Variants in EXD1 observed in about 807,000 individuals in gnomAD.
EXD1 encodes exonuclease 3'-5' domain containing 1.
Under a neutral mutation model 49.1 loss-of-function variants are expected in EXD1, and 63 were observed. That is an observed-to-expected ratio of 1.28 (90% CI 1.05 to 1.58). EXD1 has a LOEUF of 1.58. Among genes scored for constraint, EXD1 ranks in the 40% most tolerant of loss-of-function variants. The pLI is 0.00. For missense variants in EXD1, 748 were observed against 666.0 expected (o/e 1.12, Z -1.36); for synonymous variants, 234 against 239.2 (o/e 0.98, Z 0.20).
At chr15:41,215,469 G>A (rs1228139865) in intron 6 of EXD1, among the ~76,000 whole-genome samples, 1 of 152,038 alleles carries the variant, frequency 6.6e-6, no homozygotes, top group Non-Finnish European at 1.5e-5. Context: ...GGTGGATCAC[G>A]AGGTCAGGAG....
intron 1 of EXD1, 119 bp downstream of exon 1, chr15:41,230,360 G>C: frequency 9.5e-7 from 1 of 1,055,338 alleles, no homozygotes; most frequent in Non-Finnish European, 1.4e-6. Context: ...TGGGATTACA[G>C]GCGTGAGCCA....
At chr15:41,226,132 G>T (rs930149074) in intron 2 of EXD1, among the ~76,000 whole-genome samples, 7 of 149,382 alleles carry the variant, frequency 4.7e-5, no homozygotes, top group Non-Finnish European at 8.9e-5. Flanking sequence ...GGTGTCTGTA[G>T]TCCCAGCTAC....
chr15:41,224,585 TA>T (rs887245200), intron 2 of EXD1, among the ~76,000 whole-genome samples: 6 of 151,384 alleles, frequency 4.0e-5, no homozygotes, highest in African/African-American at 7.3e-5. Flanking sequence ...CCTTCCCCCA[TA>T]AAAAAAAGAA....
At chr15:41,199,122 G>C (rs1020910951) in intron 7 of EXD1, among the ~76,000 whole-genome samples, 1 of 152,088 alleles carries the variant, frequency 6.6e-6, no homozygotes, top group Non-Finnish European at 1.5e-5. Flanking sequence ...AACACACCCA[G>C]CTAATTTTGT....
At chr15:41,205,674 A>G (rs1038197087) in intron 7 of EXD1, among the ~76,000 whole-genome samples, 29 of 141,994 alleles carry the variant, frequency 2.0e-4, no homozygotes, top group Non-Finnish European at 1.5e-5. Context: ...TTTGGGCAAC[A>G]GAGTGAGACC....
At chr15:41,217,561 C>T (rs1478377109) in intron 3 of EXD1, among the ~76,000 whole-genome samples, 4 of 131,080 alleles carry the variant, frequency 3.1e-5, no homozygotes, top group Admixed American at 1.7e-4. Context: ...GATGAAGTCT[C>T]GCACTGTTGC....
In EXD1 at chr15:41,184,046, A is replaced by C; in HGVS notation, c.1604T>G (p.Val535Gly). ...AGGATAAAAAGTGTCACTTGGAGAC[A>C]CTCTGGTTTCCTGAGGAAAGGAAGA... Reference protein sequence around the residue: ...SMSSFPQETRVSPSDTFYPIR... With the variant: ...SMSSFPQETRGSPSDTFYPIR... Residue 535 changes from valine to glycine, a missense_variant, in exon 12 of 12, where the codon GTG becomes GGG. Physicochemically the swap from Val to Gly is moderately radical, Grantham distance 109. Transcript: ENST00000458580. 2 of 1,614,132 alleles carry C rather than the reference A, an allele frequency of 1.2e-6. No homozygotes were observed. Among genetic ancestry groups the C allele is most frequent in the East Asian group, 2.2e-5 (1 of 44,884 alleles).
intron 9 of EXD1, 30 bp downstream of exon 9, chr15:41,195,745 G>C (rs1241280523): frequency 6.3e-7 from 1 of 1,588,648 alleles, no homozygotes. Context: ...TGTATATACT[G>C]GTTTGAATCC....
intron 7 of EXD1, among the ~76,000 whole-genome samples, chr15:41,208,373 A>G (rs1208682204): frequency 1.1e-5 from 1 of 87,738 alleles, no homozygotes; most frequent in East Asian, 3.7e-4. Flanking sequence ...ATCTCTGAAA[A>G]AAAAAAAAAA....
At position 41,182,914 on chromosome 15, in the gene EXD1, T is replaced by A. The variant is rs1418776028; in HGVS notation, c.*1017A>T. On this transcript the variant is annotated 3_prime_UTR_variant, in exon 12 of 12. Coordinates refer to ENST00000458580, the MANE Select transcript of EXD1 (RefSeq NM_001286441.2). ...CTTCAAGTTTATATAACAGACAGAC[T>A]AAAAAGAAACCCAGGGTCCCTGCTT... 2 of 152,048 alleles carry A rather than the reference T, an allele frequency of 1.3e-5. No individual in the cohort carries two copies. Among genetic ancestry groups the A allele is most frequent in the African/African-American group, 2.4e-5 (1 of 41,414 alleles). The allele number at this position is 152,048 out of a possible 1,614,324, so 9.4% of individuals were successfully genotyped here.
chr15:41,185,627 C>A (rs1267549835), intron 11 of EXD1, among the ~76,000 whole-genome samples: 1 of 152,084 alleles, frequency 6.6e-6, no homozygotes, highest in Non-Finnish European at 1.5e-5. Context: ...AATCCTCCCA[C>A]GTCAGCCTCC....
chr15:41,199,017 G>A (rs2046663808), intron 7 of EXD1, among the ~76,000 whole-genome samples: 2 of 151,124 alleles, frequency 1.3e-5, no homozygotes, highest in Middle Eastern at 3.2e-3. Flanking sequence ...AGGCTGGAGT[G>A]CAATGGCATG....
intron 9 of EXD1, among the ~76,000 whole-genome samples, chr15:41,195,102 C>T (rs184734720): frequency 2.6e-5 from 4 of 152,188 alleles, no homozygotes; most frequent in African/African-American, 9.6e-5. Context: ...AACCAGAAAC[C>T]CAGATCAGCT....
chr15:41,230,686 A>T lies in EXD1; in HGVS notation c.-261T>A. On this transcript the variant is annotated 5_prime_UTR_variant, in exon 1 of 12. Transcript: ENST00000458580. Reference sequence around the variant, plus strand: ...ATCAAATCACAGGCTGAAAACCTGGAGAAAGGTCCGCGACGCCGGGGACAC... The same window carrying T: ...ATCAAATCACAGGCTGAAAACCTGGTGAAAGGTCCGCGACGCCGGGGACAC... 1 of 884,994 alleles carries T rather than the reference A, an allele frequency of 1.1e-6. No individual in the cohort carries two copies. The highest frequency in any genetic ancestry group is 1.7e-6 in the Non-Finnish European group (1 of 585,440). The allele number at this position is 884,994 out of a possible 1,614,324, so 54.8% of individuals were successfully genotyped here.
chr15:41,217,236 T>C, intron 3 of EXD1, 82 bp from the exon 4 acceptor site: 1 of 1,160,666 alleles, frequency 8.6e-7, no homozygotes, highest in Non-Finnish European at 1.3e-6. Flanking sequence ...ACCCCTAGTT[T>C]AACCATGTAC....
In EXD1 at chr15:41,226,529, T is replaced by G. The variant is rs2047167153; in HGVS notation, c.47A>C (p.Lys16Thr). The G allele has an allele frequency of 6.5e-7, 1 of 1,536,078 alleles. No homozygotes were observed. The highest frequency in any genetic ancestry group is 1.7e-4 in the Middle Eastern group (1 of 5,990). Reference protein sequence around the residue: ...DYHFLSQILWKRVKLTLVCGV... With the variant: ...DYHFLSQILWTRVKLTLVCGV... ...ACAGACCAATGTGAGTTTCACCCTCTTCCACAAAATCTGGCTGAGGAAATG... is the reference window on the plus strand; with the variant it reads ...ACAGACCAATGTGAGTTTCACCCTCGTCCACAAAATCTGGCTGAGGAAATG... The change falls in exon 2 of 12, where the codon AAG (lysine) becomes ACG (threonine). Residue 16 changes from lysine to threonine, a missense_variant. Lys to Thr is a moderately conservative substitution (Grantham distance 78). Coordinates refer to ENST00000458580, the MANE Select transcript of EXD1 (RefSeq NM_001286441.2).
chr15:41,184,882 T>G (rs1005676854), intron 11 of EXD1, among the ~76,000 whole-genome samples: 5 of 152,060 alleles, frequency 3.3e-5, no homozygotes, highest in African/African-American at 1.2e-4. Flanking sequence ...GGTCTCGATC[T>G]CCTGACCTCG....
rs1336384993 is a variant in EXD1, at chr15:41,229,992, T to G, written c.-54+487A>C. 2.0e-5 allele frequency among the ~76,000 whole-genome samples: 3 copies of G among 151,882 alleles called. No individual in the cohort carries two copies. In the East Asian group the frequency reaches 5.8e-4, roughly 29 times the overall value. On this transcript the variant is annotated intron_variant, in intron 1 of 11. Transcript: ENST00000458580. Reference sequence around the variant, plus strand: ...GTTCTTCCTTATCTTATACGTGTTCTAACCAAACAGGTGTGAAGGGGTAAG... The same window carrying G: ...GTTCTTCCTTATCTTATACGTGTTCGAACCAAACAGGTGTGAAGGGGTAAG...
intron 7 of EXD1, among the ~76,000 whole-genome samples, chr15:41,204,656 G>A (rs527792951): frequency 6.6e-5 from 10 of 152,002 alleles, no homozygotes; most frequent in Admixed American, 1.3e-4. Context: ...TCTTGAGCCC[G>A]GGAGTTCAAG....
Sources: gnomAD v4.1 joint callset for allele counts (sites outside exome capture counted in the v4.1 genomes callset) on GRCh38, gnomAD v4.1.1 for gene constraint, MANE v1.5 for transcripts, NCBI Gene and HGNC (gene_info 2026-07-23, HGNC 2026-07-21) for gene names.